RPS6KB1: variants seen among roughly 807,000 people sequenced by gnomAD.
RPS6KB1 encodes the protein ribosomal protein S6 kinase beta-1.
RPS6KB1 carries 12 observed loss-of-function variants against 70.2 expected under a neutral mutation model. The observed-to-expected ratio is 0.17, with a 90% CI of 0.11 to 0.28. RPS6KB1 has a LOEUF of 0.28. Among genes scored for constraint, RPS6KB1 ranks in the 10% least tolerant of loss-of-function variants. The probability of loss-of-function intolerance (pLI) is 1.00; values close to 1 mark genes in which losing one functional copy is unlikely to be tolerated. For missense variants in RPS6KB1, 270 were observed against 646.6 expected (o/e 0.42, Z 6.32); for synonymous variants, 175 against 211.2 (o/e 0.83, Z 1.49).
intron 14 of RPS6KB1, 101 bp downstream of exon 14, chr17:59,945,619 A>T (rs2044875791): frequency 1.5e-6 from 1 of 672,276 alleles, no homozygotes. Context: ...AAAGACTGTC[A>T]TACTCTCTTT....
At chr17:59,909,213 C>T (rs1436437192) in intron 1 of RPS6KB1, among the ~76,000 whole-genome samples, 1 of 139,138 alleles carries the variant, frequency 7.2e-6, no homozygotes, top group African/African-American at 2.6e-5. Flanking sequence ...CAGGCATGAG[C>T]CACCGCACGT....
At chr17:59,914,577 A>G in intron 3 of RPS6KB1, 58 bp from the exon 4 acceptor site, 4 of 1,219,972 alleles carry the variant, frequency 3.3e-6, no homozygotes, top group Non-Finnish European at 4.8e-6. Context: ...ACTAGGAATT[A>G]AGGGAGTATG....
chr17:59,934,841 A>T lies in RPS6KB1; in HGVS notation c.870+317A>T. ...TTATCACACAGAAAGTTAATGGTGG[A>T]AACACAGGCTTCCTTCCAGGACACT... On this transcript the variant is annotated intron_variant, in intron 9 of 14. Coordinates refer to ENST00000225577, the MANE Select transcript of RPS6KB1 (RefSeq NM_003161.4). This position sits in a 1 kb window ranked among gnomAD's most constrained non-coding sequence, Gnocchi z 4.8. The T allele has an allele frequency of 2.6e-6, 1 of 381,438 alleles. No individual in the cohort carries two copies. Among genetic ancestry groups the T allele is most frequent in the Non-Finnish European group, 4.7e-6 (1 of 211,602 alleles). 23.6% of individuals were successfully genotyped at this position (381,438 alleles called of 1,614,324 possible). A position where few individuals can be genotyped will look rare whatever the true frequency, so the allele number is the denominator to read the frequency against.
intron 3 of RPS6KB1, among the ~76,000 whole-genome samples, 185 bp from the exon 4 acceptor site, chr17:59,914,450 C>T (rs142206039): frequency 5.9e-5 from 9 of 152,074 alleles, no homozygotes; most frequent in African/African-American, 2.2e-4. Flanking sequence ...ACATTACCAC[C>T]AGATGGCAGC....
chr17:59,941,928 A>G (rs569393509), intron 13 of RPS6KB1, among the ~76,000 whole-genome samples: 5 of 146,756 alleles, frequency 3.4e-5, no homozygotes, highest in Admixed American at 6.9e-5. Context: ...GCGCAATCTC[A>G]GCTCACTGCA....
intron 4 of RPS6KB1, among the ~76,000 whole-genome samples, chr17:59,918,019 C>T (rs1179458914): frequency 2.0e-5 from 3 of 152,114 alleles, no homozygotes; most frequent in East Asian, 3.9e-4. Flanking sequence ...CCGCAACCTC[C>T]GCCTCCTGGG....
At chr17:59,895,101 A>T (rs1008511043) in intron 1 of RPS6KB1, among the ~76,000 whole-genome samples, 1 of 144,650 alleles carries the variant, frequency 6.9e-6, no homozygotes, top group African/African-American at 2.6e-5. Context: ...GCTCACTGCA[A>T]CCTCTGCCTC....
chr17:59,946,513 C>A lies in RPS6KB1; in HGVS notation c.1341-38C>A. On this transcript the variant is annotated intron_variant, in intron 14 of 14. Coordinates refer to ENST00000225577, the MANE Select transcript of RPS6KB1 (RefSeq NM_003161.4). This position sits in a 1 kb window ranked among gnomAD's most constrained non-coding sequence, Gnocchi z 4.2. ...GGAAATATGTCTTGTTGAGATGACC[C>A]TTAAGCAAATGAATGATAGCTCTTC... 1.4e-6 allele frequency: 2 copies of A among 1,474,980 alleles called. No individual in the cohort carries two copies. Among genetic ancestry groups the A allele is most frequent in the Non-Finnish European group, 1.9e-6 (2 of 1,053,392 alleles). 91.4% of individuals were successfully genotyped at this position (1,474,980 alleles called of 1,614,324 possible).
At chr17:59,927,985 C>G (rs939403468) in intron 5 of RPS6KB1, among the ~76,000 whole-genome samples, 12 of 151,584 alleles carry the variant, frequency 7.9e-5, no homozygotes, top group African/African-American at 2.2e-4. Context: ...TAGTGAAACC[C>G]TGTCTCTACT....
At chr17:59,919,476 A>G (rs2043147835) in intron 4 of RPS6KB1, among the ~76,000 whole-genome samples, 1 of 152,062 alleles carries the variant, frequency 6.6e-6, no homozygotes, top group Non-Finnish European at 1.5e-5. Flanking sequence ...ATAAGTAAAT[A>G]TTGTCTGTAG....
intron 1 of RPS6KB1, among the ~76,000 whole-genome samples, chr17:59,908,317 C>T (rs1228358664): frequency 1.3e-5 from 2 of 151,554 alleles, no homozygotes; most frequent in Admixed American, 6.6e-5. Context: ...CTCAGCCTCC[C>T]GAGTTGTTGG....
At position 59,910,580 on chromosome 17, in the gene RPS6KB1, A is replaced by G; in HGVS notation, c.160A>G (p.Met54Val). 3.8e-6 allele frequency: 6 copies of G among 1,592,324 alleles called. No individual in the cohort carries two copies. Among genetic ancestry groups the G allele is most frequent in the Non-Finnish European group, 4.3e-6 (5 of 1,166,390 alleles). The change falls in exon 2 of 15, where the codon ATG becomes GTG. Residue 54 changes from methionine to valine, a missense_variant. Transcript: ENST00000225577. ...LEEGGQLNES[M>V]DHGGVGPYEL... is the part of the protein sequence containing the mutation. ...TTTTCAGGGTCAGTTAAATGAAAGC[A>G]TGGACCATGGGGGAGTTGGACCATA...
At position 59,899,206 on chromosome 17, in the gene RPS6KB1, G is replaced by GA. The variant is rs1414291151; in HGVS notation, c.141+5895dup. Among the ~76,000 whole-genome samples the GA allele has an allele frequency of 3.7e-3, 507 of 135,846 alleles. 2 individuals are homozygous for GA. Among genetic ancestry groups the GA allele is most frequent in the African/African-American group, 8.8e-3 (320 of 36,400 alleles). 89.1% of individuals were successfully genotyped at this position (135,846 alleles called of 152,430 possible). A position where few individuals can be genotyped will look rare whatever the true frequency, so the allele number is the denominator to read the frequency against. On this transcript the variant is annotated intron_variant, in intron 1 of 14. Coordinates refer to ENST00000225577, the MANE Select transcript of RPS6KB1 (RefSeq NM_003161.4). ...GGGACAAGAGCAAGACTTCGTCTCA[G>GA]AAAAAAAAAAAAAAGGAGTAAAGAG...
At chr17:59,900,229 CA>C (rs1369127604) in intron 1 of RPS6KB1, among the ~76,000 whole-genome samples, 488 of 145,286 alleles carry the variant, frequency 3.4e-3, no homozygotes, top group South Asian at 8.0e-3. Flanking sequence ...CACACACACA[CA>C]CCCCTATGTG....
chr17:59,934,901 C>T lies in RPS6KB1; in HGVS notation c.871-292C>T, dbSNP rs546553326. 36 of 355,398 alleles carry T rather than the reference C, an allele frequency of 1.0e-4. 1 individual carries two copies. The East Asian group carries it at 1.1e-3, about 11-fold the overall frequency. 22.0% of individuals were successfully genotyped at this position (355,398 alleles called of 1,614,324 possible). A position where few individuals can be genotyped will look rare whatever the true frequency, so the allele number is the denominator to read the frequency against. Reference sequence around the variant, plus strand: ...TCTGTCCTGTTGCTTAAAAACTGCACGTCTGCCGGCCACAGTGGTGCATGC... The same window carrying T: ...TCTGTCCTGTTGCTTAAAAACTGCATGTCTGCCGGCCACAGTGGTGCATGC... On this transcript the variant is annotated intron_variant, in intron 9 of 14. Coordinates refer to ENST00000225577, the MANE Select transcript of RPS6KB1 (RefSeq NM_003161.4). This position sits in a 1 kb window ranked among gnomAD's most constrained non-coding sequence, Gnocchi z 4.8.
intron 2 of RPS6KB1, 28 bp downstream of exon 2, chr17:59,910,639 G>T: frequency 4.1e-6 from 6 of 1,456,120 alleles, no homozygotes; most frequent in East Asian, 2.3e-5. Flanking sequence ...GATTTTCATT[G>T]TGTTGTCTTT....
chr17:59,938,190 G>GGC, intron 12 of RPS6KB1, among the ~76,000 whole-genome samples: 1 of 143,232 alleles, frequency 7.0e-6, no homozygotes, highest in African/African-American at 2.6e-5. Context: ...TTTTTGGGGG[G>GGC]GGGATAGGGT....
intron 4 of RPS6KB1, among the ~76,000 whole-genome samples, chr17:59,918,578 C>T (rs1267053498): frequency 1.3e-5 from 2 of 151,876 alleles, no homozygotes; most frequent in Admixed American, 6.6e-5. Context: ...TCATGTTGGC[C>T]AGACTGGTCT....
chr17:59,893,190 G>A lies in RPS6KB1; in HGVS notation c.6G>A (p.Arg2=), dbSNP rs2041228648. Residue 2 remains arginine (R), a synonymous_variant, in exon 1 of 15, where the codon AGG becomes AGA. Coordinates refer to ENST00000225577, the MANE Select transcript of RPS6KB1 (RefSeq NM_003161.4). The surrounding 1 kb of genome is among the most constrained non-coding windows in gnomAD (Gnocchi z 4.1). M[R]RRRRRDGFYP... is the part of the protein sequence containing the mutation. Reference sequence around the variant, plus strand: ...GCTGCGGCGGGTCCGGGCCCATGAGGCGACGAAGGAGGCGGGACGGCTTTT... The same window carrying A: ...GCTGCGGCGGGTCCGGGCCCATGAGACGACGAAGGAGGCGGGACGGCTTTT... 6 of 1,596,234 alleles carry A rather than the reference G, an allele frequency of 3.8e-6. No homozygotes were observed. Among genetic ancestry groups the A allele is most frequent in the Middle Eastern group, 1.7e-4 (1 of 6,024 alleles).
Sources: gnomAD v4.1 joint callset for allele counts (sites outside exome capture counted in the v4.1 genomes callset) on GRCh38, gnomAD v4.1.1 for gene constraint, Gnocchi (gnomAD v3.1) non-coding constraint, MANE v1.5 for transcripts, NCBI Gene and HGNC (gene_info 2026-07-23, HGNC 2026-07-21) for gene names.